FBXL4: variants seen among roughly 807,000 people sequenced by gnomAD.
FBXL4 encodes the protein F-box/LRR-repeat protein 4.
A neutral mutation model predicts 58.9 loss-of-function variants in FBXL4; 40 were observed. The ratio of observed to expected loss-of-function variants is 0.68; its 90% CI spans 0.53 to 0.88. The LOEUF (loss-of-function observed/expected upper bound fraction) is 0.88. Among genes scored for constraint, FBXL4 ranks in the 40% least tolerant of loss-of-function variants. The pLI is 0.00. For missense variants in FBXL4, 676 were observed against 734.4 expected (o/e 0.92, Z 0.92); for synonymous variants, 263 against 265.5 (o/e 0.99, Z 0.09).
At chr6:98,914,447 G>C (rs1180730225) in intron 5 of FBXL4, among the ~76,000 whole-genome samples, 1 of 152,134 alleles carries the variant, frequency 6.6e-6, no homozygotes, top group Admixed American at 6.5e-5. Flanking sequence ...GAATCCAGCA[G>C]CACATCAAAA....
intron 2 of FBXL4, 55 bp downstream of exon 2, chr6:98,934,707 C>T (rs1773140206): frequency 6.6e-6 from 1 of 152,110 alleles, no homozygotes; most frequent in East Asian, 1.9e-4. Flanking sequence ...TTTATTATGA[C>T]TGTATTTTTT....
At chr6:98,880,055 A>T (rs1245162460) in intron 8 of FBXL4, among the ~76,000 whole-genome samples, 1 of 152,008 alleles carries the variant, frequency 6.6e-6, no homozygotes, top group Non-Finnish European at 1.5e-5. Flanking sequence ...CACAAAAAAG[A>T]GTTCCAACAT....
At position 98,899,498 on chromosome 6, in the gene FBXL4, C is replaced by T. The variant is rs1399496442; in HGVS notation, c.1104-17G>A. The stretch of plus-strand genomic sequence containing the variant: ...TTCAGAAACCTGCCAAAACAACATT[C>T]TATGTGAATTTTATAAAACTAAAAG... On this transcript the variant is annotated splice_polypyrimidine_tract_variant and intron_variant, in intron 6 of 9. Coordinates refer to ENST00000369244, the MANE Select transcript of FBXL4 (RefSeq NM_001278716.2). The T allele has an allele frequency of 5.6e-6, 9 of 1,602,854 alleles. No individual in the cohort carries two copies. In the South Asian group the frequency reaches 8.9e-5, roughly 16 times the overall value.
intron 5 of FBXL4, among the ~76,000 whole-genome samples, chr6:98,907,857 T>G (rs1465080292): frequency 1.3e-5 from 2 of 152,084 alleles, no homozygotes; most frequent in Non-Finnish European, 2.9e-5. Context: ...TTAAAATAAG[T>G]TTAAAGAGGG....
At chr6:98,939,057 C>A in intron 1 of FBXL4, among the ~76,000 whole-genome samples, 1 of 106,480 alleles carries the variant, frequency 9.4e-6, no homozygotes, top group African/African-American at 3.7e-5. Context: ...GCCTGGGTGA[C>A]AGAGCAAGAC....
At chr6:98,927,107 G>T in intron 3 of FBXL4, 47 bp from the exon 4 acceptor site, 1 of 954,300 alleles carries the variant, frequency 1.0e-6, no homozygotes, top group Non-Finnish European at 1.6e-6. Context: ...TAAATAAGCA[G>T]AAAAATGCAT....
chr6:98,939,489 AAT>A (rs1402195786), intron 1 of FBXL4, among the ~76,000 whole-genome samples: 1 of 152,208 alleles, frequency 6.6e-6, no homozygotes, highest in Non-Finnish European at 1.5e-5. Context: ...CTGCATTTTC[AAT>A]ATGAGATAAA....
At chr6:98,938,946 AGTGT>A (rs1773325090) in intron 1 of FBXL4, among the ~76,000 whole-genome samples, 3 of 151,760 alleles carry the variant, frequency 2.0e-5, no homozygotes, top group Non-Finnish European at 4.4e-5. Flanking sequence ...AAATTAGCTA[AGTGT>A]GGTGGTGTGC....
intron 5 of FBXL4, among the ~76,000 whole-genome samples, chr6:98,913,079 A>G (rs1326876408): frequency 6.6e-6 from 1 of 152,142 alleles, no homozygotes; most frequent in Non-Finnish European, 1.5e-5. Flanking sequence ...AGAGACAAAG[A>G]AGGCCATTAC....
chr6:98,877,219 T>C (rs1209943029), intron 8 of FBXL4, among the ~76,000 whole-genome samples: 1 of 152,126 alleles, frequency 6.6e-6, no homozygotes. Flanking sequence ...CATGCGGAAG[T>C]CTATGAGAAA....
intron 4 of FBXL4, among the ~76,000 whole-genome samples, chr6:98,925,096 A>C (rs1470781791): frequency 6.6e-6 from 1 of 152,246 alleles, no homozygotes; most frequent in African/African-American, 2.4e-5. Flanking sequence ...TGAGCAAATA[A>C]TATGATCAGA....
intron 5 of FBXL4, among the ~76,000 whole-genome samples, chr6:98,906,741 C>T (rs1268664650): frequency 2.0e-5 from 3 of 152,156 alleles, no homozygotes; most frequent in African/African-American, 7.2e-5. Flanking sequence ...CCTGAGGAAT[C>T]ACCACACTGT....
Position 98,926,831 on chromosome 6 carries a change from T to A in FBXL4, c.158A>T (p.Gln53Leu), listed in dbSNP as rs766584290. 6.2e-7 allele frequency: 1 copy of A among 1,614,246 alleles called. No homozygotes were observed. Among genetic ancestry groups the A allele is most frequent in the African/African-American group, 1.3e-5 (1 of 75,070 alleles). The change falls in exon 4 of 10, where the codon CAG becomes CTG. Residue 53 changes from glutamine to leucine, a missense_variant. Gln to Leu is a moderately radical substitution (Grantham distance 113, BLOSUM62 -2). Transcript: ENST00000369244. ...QTSPLNAEVV[Q>L]YAKEVVDFSS... ...GAAATCCACTACTTCTTTGGCATACTGGACTACCTCTGCATTGAGAGGGGA... is the reference window on the plus strand; with the variant it reads ...GAAATCCACTACTTCTTTGGCATACAGGACTACCTCTGCATTGAGAGGGGA...
At position 98,935,795 on chromosome 6, in the gene FBXL4, C is replaced by CAAA. The variant is rs372124984; in HGVS notation, c.-308-919_-308-917dup. Among the ~76,000 whole-genome samples, 9 of 117,638 alleles carry CAAA rather than the reference C, an allele frequency of 7.7e-5. 1 individual carries two copies. Among genetic ancestry groups the CAAA allele is most frequent in the Admixed American group, 1.7e-4 (2 of 11,528 alleles). 77.2% of individuals were successfully genotyped at this position (117,638 alleles called of 152,430 possible). On this transcript the variant is annotated intron_variant, in intron 1 of 9. Coordinates refer to ENST00000369244, the MANE Select transcript of FBXL4 (RefSeq NM_001278716.2). ...TGGGCGACAGAGCGAGACTCCGTCT[C>CAAA]AAAAAAAAAAAAAGAATAAGGCATC...
chr6:98,874,214 A>G lies in FBXL4; in HGVS notation c.*64T>C, dbSNP rs900180092. On this transcript the variant is annotated 3_prime_UTR_variant, in exon 10 of 10. Coordinates refer to ENST00000369244, the MANE Select transcript of FBXL4 (RefSeq NM_001278716.2). ...ATTAAAACAACTAAAAACAAAACCC[A>G]AAACCAATCCCAAAATTAAACCCCA... 1.5e-5 allele frequency: 21 copies of G among 1,369,070 alleles called. No individual in the cohort carries two copies. In the African/African-American group the frequency reaches 3.0e-4, roughly 19 times the overall value. The allele number at this position is 1,369,070 out of a possible 1,614,324, so 84.8% of individuals were successfully genotyped here.
chr6:98,902,606 C>T (rs944763807), intron 6 of FBXL4, among the ~76,000 whole-genome samples: 2 of 151,590 alleles, frequency 1.3e-5, no homozygotes, highest in South Asian at 2.1e-4. Context: ...TATAAACTAC[C>T]GAGAACAAGT....
At chr6:98,931,598 A>G (rs1773012854) in intron 2 of FBXL4, among the ~76,000 whole-genome samples, 1 of 152,244 alleles carries the variant, frequency 6.6e-6, no homozygotes, top group South Asian at 2.1e-4. Context: ...TTCTTTTTCC[A>G]GCAGTGCTAT....
chr6:98,878,705 C>T (rs778614706), intron 8 of FBXL4, among the ~76,000 whole-genome samples: 67 of 151,958 alleles, frequency 4.4e-4, no homozygotes, highest in Non-Finnish European at 8.7e-4. Context: ...GAATGTTGCT[C>T]CAGTTTAAGG....
At chr6:98,878,892 C>G (rs188805792) in intron 8 of FBXL4, among the ~76,000 whole-genome samples, 2 of 152,080 alleles carry the variant, frequency 1.3e-5, no homozygotes, top group African/African-American at 4.8e-5. Context: ...ACTGAAGAGA[C>G]CCACAGAAGC....
Sources: allele counts gnomAD v4.1 joint callset (sites outside exome capture counted in the v4.1 genomes callset), GRCh38; gene constraint gnomAD v4.1.1; transcripts MANE v1.5; gene names NCBI Gene and HGNC (gene_info 2026-07-23, HGNC 2026-07-21).